Variants in ITFG1 observed in about 807,000 individuals in gnomAD.
The protein encoded by ITFG1 is T-cell immunomodulatory protein.
ITFG1 carries 34 observed loss-of-function variants against 81.8 expected under a neutral mutation model. That is an observed-to-expected ratio of 0.42 (90% CI 0.32 to 0.55). The LOEUF is 0.55. Among genes scored for constraint, ITFG1 ranks in the 20% least tolerant of loss-of-function variants. ITFG1 has a pLI of 0.17. For missense variants in ITFG1, 672 were observed against 755.4 expected, an observed-to-expected ratio of 0.89 and a Z score of 1.29; for synonymous variants, 285 against 270.6, an observed-to-expected ratio of 1.05 and a Z score of -0.52.
chr16:47,314,284 T>G (rs771812019), intron 8 of ITFG1, among the ~76,000 whole-genome samples: 8 of 152,204 alleles, frequency 5.3e-5, no homozygotes, highest in Non-Finnish European at 1.2e-4. Flanking sequence ...TTTGACTTAT[T>G]TACATAATTA....
chr16:47,332,975 T>A (rs1355864127), intron 8 of ITFG1, among the ~76,000 whole-genome samples: 1 of 152,192 alleles, frequency 6.6e-6, no homozygotes, highest in Non-Finnish European at 1.5e-5. Context: ...CATACTTTAA[T>A]TGTGTTCATA....
At chr16:47,258,338 G>C (rs1047848287) in intron 12 of ITFG1, among the ~76,000 whole-genome samples, 1 of 152,166 alleles carries the variant, frequency 6.6e-6, no homozygotes, top group Non-Finnish European at 1.5e-5. Context: ...AACTGAAAAG[G>C]ACATGAAAAA....
chr16:47,381,908 G>T (rs892434077), intron 6 of ITFG1, among the ~76,000 whole-genome samples: 1 of 152,078 alleles, frequency 6.6e-6, no homozygotes, highest in Non-Finnish European at 1.5e-5. Flanking sequence ...AGAAGGCCTG[G>T]TACAAACAAG....
chr16:47,219,836 G>A (rs1048851858), intron 13 of ITFG1, among the ~76,000 whole-genome samples: 1 of 152,076 alleles, frequency 6.6e-6, no homozygotes, highest in African/African-American at 2.4e-5. Context: ...TGCTTCCAAT[G>A]GCTATGAGAA....
At chr16:47,274,100 T>C (rs932784374) in intron 10 of ITFG1, among the ~76,000 whole-genome samples, 1 of 152,018 alleles carries the variant, frequency 6.6e-6, no homozygotes, top group East Asian at 1.9e-4. Flanking sequence ...CTACTAAAAA[T>C]ACAAAAATTA....
intron 8 of ITFG1, among the ~76,000 whole-genome samples, chr16:47,333,216 A>G (rs1296155839): frequency 1.3e-5 from 2 of 152,206 alleles, no homozygotes; most frequent in Non-Finnish European, 2.9e-5. Flanking sequence ...GACAAAAACT[A>G]TGAATAACAG....
chr16:47,182,191 A>C (rs1015729510), intron 14 of ITFG1, among the ~76,000 whole-genome samples: 14 of 152,188 alleles, frequency 9.2e-5, no homozygotes, highest in East Asian at 7.7e-4. Context: ...AAAAAAAAAA[A>C]AACAAAAAAA....
At chr16:47,223,307 A>C (rs1965716197) in intron 13 of ITFG1, among the ~76,000 whole-genome samples, 1 of 152,230 alleles carries the variant, frequency 6.6e-6, no homozygotes. Context: ...CAACCTACAA[A>C]ATGGGAGTAA....
At chr16:47,436,533 A>T (rs1423049824) in intron 5 of ITFG1, among the ~76,000 whole-genome samples, 1 of 152,202 alleles carries the variant, frequency 6.6e-6, no homozygotes, top group Non-Finnish European at 1.5e-5. Flanking sequence ...CCTTAAAATA[A>T]TATGCATTCT....
intron 8 of ITFG1, among the ~76,000 whole-genome samples, chr16:47,315,062 TC>T (rs1006849101): frequency 6.6e-6 from 1 of 152,150 alleles, no homozygotes; most frequent in African/African-American, 2.4e-5. Context: ...TGAATTTCTT[TC>T]ATTTAATTTC....
chr16:47,460,539 T>C (rs1230352785), intron 1 of ITFG1, among the ~76,000 whole-genome samples: 1 of 152,060 alleles, frequency 6.6e-6, no homozygotes, highest in African/African-American at 2.4e-5. Context: ...AAACAGGTGA[T>C]TCCATGGGGA....
At chr16:47,182,386 CA>C (rs34527674) in intron 14 of ITFG1, among the ~76,000 whole-genome samples, 532 of 133,462 alleles carry the variant, frequency 4.0e-3, no homozygotes, top group East Asian at 0.017. Flanking sequence ...AGGTGGCTCT[CA>C]AAAAAAAAAA....
At chr16:47,287,372 C>G (rs1352803037) in intron 10 of ITFG1, among the ~76,000 whole-genome samples, 1 of 152,062 alleles carries the variant, frequency 6.6e-6, no homozygotes, top group African/African-American at 2.4e-5. Flanking sequence ...AGCCACCAAG[C>G]CCAGCTGCTG....
rs184308020 is a variant in ITFG1, at chr16:47,352,204, A to C, written c.802+13584T>G. 8.4e-4 allele frequency among the ~76,000 whole-genome samples: 128 copies of C among 152,342 alleles called. 1 individual carries two copies. Among genetic ancestry groups the C allele is most frequent in the African/African-American group, 2.9e-3 (122 of 41,578 alleles). On this transcript the variant is annotated intron_variant, in intron 8 of 17. Coordinates refer to ENST00000320640, the MANE Select transcript of ITFG1 (RefSeq NM_030790.5). The stretch of plus-strand genomic sequence containing the variant: ...AATGGCAACAAAAGCCAAAATTGAC[A>C]AATGGGATGTAATTAAACTAAAGAG...
At chr16:47,442,787 C>A (rs1326234902) in intron 5 of ITFG1, among the ~76,000 whole-genome samples, 3 of 152,126 alleles carry the variant, frequency 2.0e-5, no homozygotes, top group Non-Finnish European at 4.4e-5. Context: ...AGCCCTAAAA[C>A]CATAAAAACC....
intron 12 of ITFG1, among the ~76,000 whole-genome samples, chr16:47,249,494 T>C (rs1445964373): frequency 6.6e-6 from 1 of 152,174 alleles, no homozygotes; most frequent in Non-Finnish European, 1.5e-5. Context: ...AAATGAGCTG[T>C]TCCAAAAAGT....
intron 5 of ITFG1, among the ~76,000 whole-genome samples, chr16:47,432,466 C>T (rs569490920): frequency 6.6e-6 from 1 of 152,310 alleles, no homozygotes; most frequent in Admixed American, 6.5e-5. Context: ...ATTTTCTCTA[C>T]ACAAAATGTG....
At chr16:47,335,632 C>A (rs1264458699) in intron 8 of ITFG1, among the ~76,000 whole-genome samples, 1 of 152,118 alleles carries the variant, frequency 6.6e-6, no homozygotes, top group Non-Finnish European at 1.5e-5. Flanking sequence ...AAAAGATGTT[C>A]AGCATCATTA....
In ITFG1 at chr16:47,428,852, T is replaced by A. The variant is rs1969057058; in HGVS notation, c.607A>T (p.Ile203Phe). 1 of 1,611,016 alleles carries A rather than the reference T, an allele frequency of 6.2e-7. No individual in the cohort carries two copies. Among genetic ancestry groups the A allele is most frequent in the African/African-American group, 1.3e-5 (1 of 75,012 alleles). ...TCAATAAATGCATGAGAATGTGGAA[T>A]TCGCATTTTACTTGTAGTGGTCAAT... The part of the protein sequence containing the change: ...PALTTTSKMR[I>F]PHSHAFIDLT... The change falls in exon 6 of 18, where the codon ATT becomes TTT. Residue 203 changes from isoleucine to phenylalanine, a missense_variant. Ile to Phe is a conservative substitution (Grantham distance 21, BLOSUM62 0). Transcript: ENST00000320640.
Sources: gnomAD v4.1 joint callset for allele counts (sites outside exome capture counted in the v4.1 genomes callset) on GRCh38, gnomAD v4.1.1 for gene constraint, MANE v1.5 for transcripts, NCBI Gene and HGNC (gene_info 2026-07-23, HGNC 2026-07-21) for gene names.